LTF: variants seen among roughly 807,000 people sequenced by gnomAD.
The protein encoded by LTF is epididymis luminal protein 110.
In LTF, 91 loss-of-function variants were observed where a neutral mutation model predicts 87.2. The ratio of observed to expected loss-of-function variants is 1.04; its 90% CI spans 0.88 to 1.24. The LOEUF is 1.24. LTF is among the 50% of genes most tolerant of loss of function. LTF has a pLI of 0.00. For synonymous variants in LTF, 378 were observed against 356.1 expected (o/e 1.06, Z -0.69); for missense variants, 901 against 904.3 (o/e 1.00, Z 0.05).
intron 3 of LTF, 36 bp downstream of exon 3, chr3:46,456,254 G>T: frequency 6.4e-7 from 1 of 1,556,430 alleles, no homozygotes; most frequent in Non-Finnish European, 8.9e-7. Flanking sequence ...ACAGGCTGAG[G>T]CCACCGTGGC....
At chr3:46,482,651 AGAAAGAAAGAAGGAAGGAAGGAAGGAAG>A (rs1383673657) in intron 1 of LTF, among the ~76,000 whole-genome samples, 11 of 101,176 alleles carry the variant, frequency 1.1e-4, no homozygotes, top group African/African-American at 3.6e-4. Context: ...AAAGAAAGAA[AGAAAGAAAGAAGGAAGGAAGGAAGGAAG>A]GAAGGAAGGA....
chr3:46,453,472 G>T (rs149046731), intron 6 of LTF, among the ~76,000 whole-genome samples: 165 of 151,846 alleles, frequency 1.1e-3, no homozygotes, highest in African/African-American at 3.9e-3. Context: ...TGAATGCGGG[G>T]TCTGTCTCTG....
In LTF at chr3:46,450,638, C is replaced by T. The variant is rs1290410922; in HGVS notation, c.739G>A (p.Glu247Lys). 1.9e-6 allele frequency: 3 copies of T among 1,613,428 alleles called. No individual in the cohort carries two copies. Among genetic ancestry groups the T allele is most frequent in the Non-Finnish European group, 2.5e-6 (3 of 1,179,388 alleles). Residue 247 changes from glutamate (E) to lysine (K), a missense_variant, in exon 7 of 17, where the codon GAG becomes AAG. Coordinates refer to ENST00000231751, the MANE Select transcript of LTF (RefSeq NM_002343.6). ...CGAGTGTTGTCTGGGCAGAGTAACTCATACTCGTCCCTTTCAGCCTCGTCT... is the reference window on the plus strand; with the variant it reads ...CGAGTGTTGTCTGGGCAGAGTAACTTATACTCGTCCCTTTCAGCCTCGTCT... ...LSDEAERDEY[E>K]LLCPDNTRKP... is the part of the protein sequence containing the mutation.
chr3:46,474,619 G>T (rs1168446340), intron 1 of LTF, among the ~76,000 whole-genome samples: 1 of 152,150 alleles, frequency 6.6e-6, no homozygotes, highest in Non-Finnish European at 1.5e-5. Flanking sequence ...AACATTTATA[G>T]AGCCCTTTAC....
At chr3:46,467,813 G>A (rs1258877727), upstream of LTF, among the ~76,000 whole-genome samples, 1 of 151,922 alleles carries the variant, frequency 6.6e-6, no homozygotes, top group Non-Finnish European at 1.5e-5. Flanking sequence ...ATTGCACCCA[G>A]CCATGGCTTG....
At chr3:46,483,716 T>A (rs1703481352) in intron 1 of LTF, among the ~76,000 whole-genome samples, 1 of 152,194 alleles carries the variant, frequency 6.6e-6, no homozygotes, top group African/African-American at 2.4e-5. Flanking sequence ...AAAGTGTTCA[T>A]TTTGTGATAA....
In LTF at chr3:46,456,345, G is replaced by T; in HGVS notation, c.261C>A (p.Gly87=). 1.2e-6 allele frequency: 2 copies of T among 1,614,152 alleles called. No homozygotes were observed. Among genetic ancestry groups the T allele is most frequent in the African/African-American group, 1.3e-5 (1 of 75,016 alleles). ...CAGGTCGCAGTTTGTAGGGGGCCAGGCCTGCCTCGTATATGAAACCACCAT... is the reference window on the plus strand; with the variant it reads ...CAGGTCGCAGTTTGTAGGGGGCCAGTCCTGCCTCGTATATGAAACCACCAT... ...TLDGGFIYEA[G]LAPYKLRPVA... The change falls in exon 3 of 17, where the codon GGC becomes GGA. Residue 87 remains glycine, a synonymous_variant. Coordinates refer to ENST00000231751, the MANE Select transcript of LTF (RefSeq NM_002343.6).
upstream of LTF, among the ~76,000 whole-genome samples, chr3:46,467,152 G>T (rs1206941800): frequency 1.3e-5 from 2 of 152,224 alleles, no homozygotes. Context: ...TTGCAGAGGA[G>T]GCTGATGTAG....
At position 46,455,369 on chromosome 3, in the gene LTF, C is replaced by T; in HGVS notation, c.573G>A (p.Leu191=). ...ATTTGTTTTCCCCTGTCCCCGCACA[C>T]AGGCGACACAGGTTGGGGAACTGTC... is the stretch of plus-strand genomic sequence containing the variant. ...DKGQFPNLCR[L]CAGTGENKCA... is the part of the protein sequence containing the mutation. The change falls in exon 5 of 17, where the codon CTG becomes CTA. Residue 191 remains leucine (L), a synonymous_variant. Coordinates refer to ENST00000231751, the MANE Select transcript of LTF (RefSeq NM_002343.6). The T allele has an allele frequency of 6.2e-7, 1 of 1,614,252 alleles. No individual in the cohort carries two copies. The highest frequency in any genetic ancestry group is 8.5e-7 in the Non-Finnish European group (1 of 1,180,044).
At chr3:46,463,913 C>T (rs542500966) in intron 1 of LTF, among the ~76,000 whole-genome samples, 1 of 152,210 alleles carries the variant, frequency 6.6e-6, no homozygotes, top group Admixed American at 6.5e-5. Flanking sequence ...CACTGCTGCT[C>T]TCTATCCACC....
chr3:46,446,595 C>T (rs1016624628), intron 10 of LTF, 102 bp from the exon 11 acceptor site: 3 of 985,802 alleles, frequency 3.0e-6, no homozygotes, highest in African/African-American at 1.6e-5. Flanking sequence ...CCAAAGAGAC[C>T]GTCCCAGCAG....
intron 1 of LTF, among the ~76,000 whole-genome samples, chr3:46,478,502 C>T (rs1575329335): frequency 6.6e-6 from 1 of 152,176 alleles, no homozygotes; most frequent in African/African-American, 2.4e-5. Flanking sequence ...TGCCAGGGAC[C>T]AAAGGGTGAG....
rs1042073 is a variant in LTF at position 46,443,473 on chromosome 3, G to A, written c.1623C>T (p.Asn541=). 535,166 of 1,613,472 alleles carry A rather than the reference G, an allele frequency of 0.33. 94,300 individuals carry two copies. The highest frequency in any genetic ancestry group is 0.66 in the East Asian group (29,660 of 44,862). The stretch of plus-strand genomic sequence containing the variant: ...CCCCAGTGTAGCCGTAGTATCTCTC[G>A]TTGCTGTTGGGCACGCACTTATTCT... ...QGENKCVPNS[N]ERYYGYTGAF... is the part of the protein sequence containing the mutation. The change falls in exon 13 of 17, where the codon AAC becomes AAT. Residue 541 remains asparagine, a synonymous_variant. Coordinates refer to ENST00000231751, the MANE Select transcript of LTF (RefSeq NM_002343.6).
chr3:46,480,422 T>C (rs1193376341), intron 1 of LTF, among the ~76,000 whole-genome samples: 2 of 152,162 alleles, frequency 1.3e-5, no homozygotes, highest in Non-Finnish European at 2.9e-5. Flanking sequence ...TGGTGATGGA[T>C]TGTCATGCCC....
chr3:46,449,787 AG>A (rs1702753054), intron 8 of LTF, 66 bp downstream of exon 8: 1 of 1,562,966 alleles, frequency 6.4e-7, no homozygotes, highest in East Asian at 2.3e-5. Context: ...GCCACAAAGT[AG>A]GGCCACCTGC....
rs1179613670 is a variant in LTF, at chr3:46,482,609, GAAGAAAGAAAGAAAGA to G, written c.-320+2361_-320+2376del. Among the ~76,000 whole-genome samples, 177 of 56,976 alleles carry G rather than the reference GAAGAAAGAAAGAAAGA, an allele frequency of 3.1e-3. 2 individuals carry two copies. Among genetic ancestry groups the G allele is most frequent in the African/African-American group, 0.011 (139 of 13,122 alleles). The allele number at this position is 56,976 out of a possible 152,430, so 37.4% of individuals were successfully genotyped here. On this transcript the variant is annotated intron_variant, in intron 1 of 19. Coordinates refer to the LTF transcript ENST00000443496. Reference sequence around the variant, plus strand: ...GGAGAAAGAGAGAGAAAGAAAGAAAGAAGAAAGAAAGAAAGAAAGAAAGAAAGAAAGAAAGAAAGAA... The same window carrying G: ...GGAGAAAGAGAGAGAAAGAAAGAAAGAAGAAAGAAAGAAAGAAAGAAAGAA...
Position 46,450,512 on chromosome 3 carries a change from G to T in LTF, c.865C>A (p.Leu289Ile). 6.2e-7 allele frequency: 1 copy of T among 1,612,910 alleles called. No individual in the cohort carries two copies. The highest frequency in any genetic ancestry group is 8.5e-7 in the Non-Finnish European group (1 of 1,179,764). Residue 289 changes from leucine (L) to isoleucine (I), a missense_variant, in exon 7 of 17, where the codon CTT becomes ATT. Transcript: ENST00000231751. ...VNGKEDAIWNLLRQAQEKFGK... is the reference protein window; with the variant it reads ...VNGKEDAIWNILRQAQEKFGK... The stretch of plus-strand genomic sequence containing the variant: ...GAAGATACCTGTGCCTGGCGGAGAA[G>T]ATTCCAGATGGCATCCTCCTTGCCA...
At chr3:46,475,647 C>T (rs1703351937) in intron 1 of LTF, among the ~76,000 whole-genome samples, 1 of 152,096 alleles carries the variant, frequency 6.6e-6, no homozygotes, top group Non-Finnish European at 1.5e-5. Context: ...GATCCAGCTG[C>T]AGCCAATTGA....
chr3:46,472,186 T>C (rs76493644), intron 1 of LTF, among the ~76,000 whole-genome samples: 154 of 152,128 alleles, frequency 1.0e-3, no homozygotes, highest in Middle Eastern at 3.4e-3. Flanking sequence ...CACAAACTCA[T>C]ATGACTTTAG....
Sources: gnomAD v4.1 joint callset for allele counts (sites outside exome capture counted in the v4.1 genomes callset) on GRCh38, gnomAD v4.1.1 for gene constraint, MANE v1.5 for transcripts, NCBI Gene and HGNC (gene_info 2026-07-23, HGNC 2026-07-21) for gene names.